Variants in SCRN1 observed in about 807,000 individuals in gnomAD.
SCRN1 encodes the protein secernin-1.
In SCRN1, 19 loss-of-function variants were observed where a neutral mutation model predicts 43.3. That is an observed-to-expected ratio of 0.44 (90% confidence interval 0.31 to 0.64). The LOEUF (loss-of-function observed/expected upper bound fraction) is 0.64, where lower values mean the gene tolerates loss of function less well. Among genes scored for constraint, SCRN1 ranks in the 30% least tolerant of loss-of-function variants. The pLI is 0.09. For synonymous variants in SCRN1, 183 were observed against 188.9 expected (o/e 0.97, Z 0.26); for missense variants, 447 against 524.1 (o/e 0.85, Z 1.44).
Position 29,989,751 on chromosome 7 carries a change from G to A in SCRN1, c.-111C>T. 1.0e-6 allele frequency: 1 copy of A among 986,450 alleles called. No homozygotes were observed. The highest frequency in any genetic ancestry group is 1.2e-6 in the Non-Finnish European group (1 of 830,834). 61.1% of individuals were successfully genotyped at this position (986,450 alleles called of 1,614,324 possible). On this transcript the variant is annotated 5_prime_UTR_variant, in exon 1 of 8. Transcript: ENST00000242059. ...GATTACTGCGGCGACCTCGGGGGCT[G>A]CAGCTGCAGTGGCGGAGGCGGCCGC...
intron 1 of SCRN1, chr7:29,988,518 G>A (rs911136955): frequency 6.6e-6 from 1 of 152,236 alleles, no homozygotes; most frequent in Non-Finnish European, 1.5e-5. Context: ...TAAGTCAGGG[G>A]GCAGCTGATG....
At chr7:29,947,800 G>A (rs1420800362) in intron 3 of SCRN1, among the ~76,000 whole-genome samples, 1 of 152,198 alleles carries the variant, frequency 6.6e-6, no homozygotes, top group Non-Finnish European at 1.5e-5. Flanking sequence ...CATGAGGGGT[G>A]GAGGCACCAT....
intron 6 of SCRN1, among the ~76,000 whole-genome samples, chr7:29,929,890 TGTAA>T (rs1303011264): frequency 3.3e-5 from 5 of 152,358 alleles, no homozygotes; most frequent in Non-Finnish European, 7.3e-5. Context: ...CTCTATGTGA[TGTAA>T]CTTTAAACCC....
At chr7:29,979,097 G>C (rs892208838) in intron 1 of SCRN1, among the ~76,000 whole-genome samples, 1 of 152,198 alleles carries the variant, frequency 6.6e-6, no homozygotes, top group Non-Finnish European at 1.5e-5. Flanking sequence ...GGGTGTGGTG[G>C]CTGACGCCTG....
rs777965740 is a variant in SCRN1 at position 29,936,672 on chromosome 7, G to T, written c.789C>A (p.Ser263Arg). Reference sequence around the variant, plus strand: ...AAAACTCAGAGTCTATGCACACTCCGCTGGCTTTGTCCCGTAAGGTGTTCA... The same window carrying T: ...AAAACTCAGAGTCTATGCACACTCCTCTGGCTTTGTCCCGTAAGGTGTTCA... ...TMMNTLRDKASGVCIDSEFFL... is the reference protein window; with the variant it reads ...TMMNTLRDKARGVCIDSEFFL... The change falls in exon 6 of 8, where the codon AGC becomes AGA. Residue 263 changes from serine to arginine, a missense_variant. By Grantham distance (110) the Ser-to-Arg change is moderately radical. Transcript: ENST00000242059. 4 of 1,595,004 alleles carry T rather than the reference G, an allele frequency of 2.5e-6. No homozygotes were observed. The East Asian group carries it at 6.8e-5, about 27-fold the overall frequency.
intron 2 of SCRN1, among the ~76,000 whole-genome samples, chr7:29,966,280 C>T (rs1341562425): frequency 2.0e-5 from 3 of 151,876 alleles, no homozygotes; most frequent in Non-Finnish European, 4.4e-5. Context: ...TCAGAGCAAT[C>T]ACAAGCCCTC....
At chr7:29,987,847 G>T (rs1405789741) in intron 1 of SCRN1, among the ~76,000 whole-genome samples, 1 of 152,054 alleles carries the variant, frequency 6.6e-6, no homozygotes, top group South Asian at 2.1e-4. Context: ...GCGTCCATTC[G>T]CCCCGCTGGC....
intron 3 of SCRN1, among the ~76,000 whole-genome samples, chr7:29,954,055 T>C (rs185831593): frequency 6.6e-6 from 1 of 152,320 alleles, no homozygotes; most frequent in Admixed American, 6.5e-5. Context: ...TTTCAGAATG[T>C]TGCTTTGTTC....
intron 6 of SCRN1, among the ~76,000 whole-genome samples, chr7:29,934,775 G>A (rs899972498): frequency 6.6e-5 from 10 of 152,354 alleles, no homozygotes; most frequent in South Asian, 2.1e-4. Context: ...CAGGAGCGGC[G>A]TAGAGCAGTT....
At chr7:29,942,035 A>T (rs1787573210) in intron 4 of SCRN1, among the ~76,000 whole-genome samples, 2 of 152,252 alleles carry the variant, frequency 1.3e-5, no homozygotes, top group African/African-American at 2.4e-5. Context: ...CTTCTGAAAT[A>T]AGCATTCCTG....
At chr7:29,987,101 T>A (rs937332046) in intron 1 of SCRN1, among the ~76,000 whole-genome samples, 1 of 152,100 alleles carries the variant, frequency 6.6e-6, no homozygotes, top group African/African-American at 2.4e-5. Flanking sequence ...ATTTAGCTCC[T>A]ATCTGTTCCA....
chr7:29,924,125 G>A lies in SCRN1; in HGVS notation c.1087-10C>T. The A allele has an allele frequency of 6.2e-7, 1 of 1,607,800 alleles. No homozygotes were observed. The highest frequency in any genetic ancestry group is 8.5e-7 in the Non-Finnish European group (1 of 1,177,892). On this transcript the variant is annotated splice_polypyrimidine_tract_variant and intron_variant, in intron 7 of 7. Transcript: ENST00000242059. Reference sequence around the variant, plus strand: ...GCTTGCGACCTTGCTCCTGAGGAAGGACACGACTGCTTTAGGTGTCAGCAA... The same window carrying A: ...GCTTGCGACCTTGCTCCTGAGGAAGAACACGACTGCTTTAGGTGTCAGCAA...
chr7:29,936,827 A>C, intron 5 of SCRN1, 106 bp from the exon 6 acceptor site: 1 of 867,938 alleles, frequency 1.2e-6, no homozygotes, highest in Non-Finnish European at 1.6e-6. Context: ...CGGGCGGATC[A>C]CGAGGTCAGG....
rs1316958279 is a variant in SCRN1, at chr7:29,921,954, C to T, written c.*2003G>A. 6.6e-6 allele frequency: 1 copy of T among 152,160 alleles called. No homozygotes were observed. Among genetic ancestry groups the T allele is most frequent in the Non-Finnish European group, 1.5e-5 (1 of 68,034 alleles). 9.4% of individuals were successfully genotyped at this position (152,160 alleles called of 1,614,324 possible). A position where few individuals can be genotyped will look rare whatever the true frequency, so the allele number is the denominator to read the frequency against. On this transcript the variant is annotated 3_prime_UTR_variant, in exon 8 of 8. Transcript: ENST00000242059. ...ATCACTCAGTGAGATTTTAGAGCAG[C>T]TTTCTGTATCATCTTGCTTTACATA...
intron 1 of SCRN1, among the ~76,000 whole-genome samples, chr7:29,976,070 G>A (rs1214871628): frequency 2.0e-5 from 3 of 152,120 alleles, no homozygotes; most frequent in East Asian, 1.9e-4. Flanking sequence ...GATTATTCAC[G>A]TTGGCAGAGT....
intron 3 of SCRN1, among the ~76,000 whole-genome samples, chr7:29,944,495 CAAAA>C (rs1562808378): frequency 2.0e-5 from 3 of 150,958 alleles, no homozygotes; most frequent in African/African-American, 7.3e-5. Flanking sequence ...ACCTCTTCCT[CAAAA>C]AAAAATTTTT....
rs1182275788 is a variant in SCRN1, at chr7:29,923,321, A to G, written c.*636T>C. On this transcript the variant is annotated 3_prime_UTR_variant, in exon 8 of 8. Transcript: ENST00000242059. ...AGTCCACCACACATAAGCACAGCGCATGGAAAATGGGAAGACAGCTTCTTC... is the reference window on the plus strand; with the variant it reads ...AGTCCACCACACATAAGCACAGCGCGTGGAAAATGGGAAGACAGCTTCTTC... 3.3e-5 allele frequency: 5 copies of G among 152,346 alleles called. No individual in the cohort carries two copies. In the East Asian group the frequency reaches 7.7e-4, roughly 23 times the overall value. The allele number at this position is 152,346 out of a possible 1,614,324, so 9.4% of individuals were successfully genotyped here. A position where few individuals can be genotyped will look rare whatever the true frequency, so the allele number is the denominator to read the frequency against.
At chr7:29,949,964 G>A (rs868221699) in intron 3 of SCRN1, among the ~76,000 whole-genome samples, 13 of 152,224 alleles carry the variant, frequency 8.5e-5, no homozygotes, top group African/African-American at 3.1e-4. Flanking sequence ...TGGCCCATCT[G>A]GAGGAGCCAC....
intron 6 of SCRN1, among the ~76,000 whole-genome samples, chr7:29,934,985 C>T (rs951418408): frequency 3.3e-5 from 5 of 152,234 alleles, no homozygotes. Context: ...ACTGTTGTTC[C>T]TGCTTTTTAC....
Sources: allele counts gnomAD v4.1 joint callset (sites outside exome capture counted in the v4.1 genomes callset), GRCh38; gene constraint gnomAD v4.1.1; transcripts MANE v1.5; gene names NCBI Gene and HGNC (gene_info 2026-07-23, HGNC 2026-07-21).